The following SH2D1A variants were observed in gnomAD, a reference collection of about 807,000 sequenced individuals.
The protein encoded by SH2D1A is SH2 domain-containing protein 1A.
In SH2D1A, 6 loss-of-function variants were observed where a neutral mutation model predicts 10.1. The observed-to-expected ratio is 0.60, with a 90% CI of 0.33 to 1.18. SH2D1A has a LOEUF of 1.18. Among genes scored for constraint, SH2D1A ranks in the 50% most tolerant of loss-of-function variants. The pLI is 0.04. For synonymous variants in SH2D1A, 42 were observed against 36.9 expected (o/e 1.14, Z -0.51); for missense variants, 51 against 97.6 (o/e 0.52, Z 2.01).
chrX:124,362,277 G>T (rs1020689533), intron 1 of SH2D1A, among the ~76,000 whole-genome samples: 1 of 112,369 alleles, frequency 8.9e-6, no homozygotes. Flanking sequence ...AGCCACATAG[G>T]TGGGGCCATC....
intron 1 of SH2D1A, among the ~76,000 whole-genome samples, chrX:124,359,643 A>T (rs1448393537): frequency 8.9e-6 from 1 of 111,945 alleles, no homozygotes; most frequent in Admixed American, 9.5e-5. Context: ...GGTAGATTTC[A>T]AGTGTTTAAA....
At chrX:124,362,505 T>C (rs774229048) in intron 1 of SH2D1A, among the ~76,000 whole-genome samples, 49 of 112,446 alleles carry the variant, frequency 4.4e-4, no homozygotes, top group African/African-American at 1.6e-3. Context: ...ATCCTCTTCC[T>C]GTAGCACCAT....
chrX:124,366,694 CT>C (rs2060055676), intron 2 of SH2D1A, among the ~76,000 whole-genome samples: 1 of 111,076 alleles, frequency 9.0e-6, no homozygotes, highest in African/African-American at 3.3e-5. Context: ...TTCAAACACA[CT>C]TTTGCTGTAT....
At chrX:124,358,436 A>G (rs1408846514) in intron 1 of SH2D1A, among the ~76,000 whole-genome samples, 2 of 112,160 alleles carry the variant, frequency 1.8e-5, no homozygotes, top group Admixed American at 9.5e-5. Flanking sequence ...GGGACAGAGT[A>G]TGTTTTGTTT....
intron 1 of SH2D1A, 123 bp from the exon 2 acceptor site, chrX:124,365,638 T>A: frequency 1.9e-6 from 1 of 520,064 alleles, no homozygotes; most frequent in Non-Finnish European, 3.5e-6. Flanking sequence ...TTCCTATGAA[T>A]GCAATGACAC....
At chrX:124,360,062 C>T (rs918253305) in intron 1 of SH2D1A, among the ~76,000 whole-genome samples, 18 of 110,457 alleles carry the variant, frequency 1.6e-4, no homozygotes, top group Admixed American at 5.8e-4. Flanking sequence ...CCCACCACCA[C>T]GCTAGGCTAA....
chrX:124,346,681 G>A lies in SH2D1A; in HGVS notation c.39G>A (p.Arg13=), dbSNP rs1281416443. 1.2e-5 allele frequency: 14 copies of A among 1,210,397 alleles called. No homozygotes were observed. Among genetic ancestry groups the A allele is most frequent in the African/African-American group, 1.7e-5 (1 of 57,352 alleles). ...AVAVYHGKIS[R]ETGEKLLLAT... ...CTGTGTATCATGGCAAAATCAGCAG[G>A]GAAACCGGCGAGAAGCTCCTGCTTG... Residue 13 remains arginine, a synonymous_variant, in exon 1 of 4, where the codon AGG becomes AGA. Coordinates refer to ENST00000371139, the MANE Select transcript of SH2D1A (RefSeq NM_002351.5).
intron 1 of SH2D1A, among the ~76,000 whole-genome samples, chrX:124,359,912 A>AT (rs200035601): frequency 0.013 from 1,395 of 105,691 alleles, 31 homozygotes; most frequent in African/African-American, 0.045. Flanking sequence ...AGATATAGTA[A>AT]TTTTTTTTTT....
chrX:124,349,100 T>C (rs2060000967), intron 1 of SH2D1A, among the ~76,000 whole-genome samples: 1 of 112,496 alleles, frequency 8.9e-6, no homozygotes. Context: ...AAAGTGAATC[T>C]TGCATAAATG....
At chrX:124,351,700 T>C (rs2060015517) in intron 1 of SH2D1A, among the ~76,000 whole-genome samples, 1 of 110,852 alleles carries the variant, frequency 9.0e-6, no homozygotes, top group Non-Finnish European at 1.9e-5. Flanking sequence ...TTTTATATGG[T>C]TGTTAAGCTG....
intron 2 of SH2D1A, among the ~76,000 whole-genome samples, chrX:124,367,005 T>C (rs1480595946): frequency 1.8e-5 from 2 of 110,372 alleles, no homozygotes; most frequent in African/African-American, 6.6e-5. Flanking sequence ...AAGGAAAGGA[T>C]CTTAAATGCT....
chrX:124,355,303 TCTTGTC>T (rs1408892774), intron 1 of SH2D1A, among the ~76,000 whole-genome samples: 3 of 88,835 alleles, frequency 3.4e-5, no homozygotes, highest in Non-Finnish European at 6.8e-5. Context: ...GCTTCTTGCT[TCTTGTC>T]CATTTCTAAC....
At chrX:124,367,484 C>G (rs2060058749) in intron 2 of SH2D1A, 1 of 111,795 alleles carries the variant, frequency 8.9e-6, no homozygotes, top group African/African-American at 3.3e-5. Context: ...TAGCTGAGTT[C>G]AGTGACAGGA....
At chrX:124,360,657 C>T (rs1052465923) in intron 1 of SH2D1A, among the ~76,000 whole-genome samples, 13 of 101,035 alleles carry the variant, frequency 1.3e-4, no homozygotes, top group African/African-American at 4.7e-4. Flanking sequence ...CTCTATTGAC[C>T]CAAACTTGTG....
chrX:124,347,278 CT>C (rs1476624062), intron 1 of SH2D1A, among the ~76,000 whole-genome samples: 1 of 109,806 alleles, frequency 9.1e-6, no homozygotes, highest in Non-Finnish European at 1.9e-5. Context: ...GGTCGAGATG[CT>C]GAGAGAGGAG....
chrX:124,369,759 G>C (rs766549454), intron 2 of SH2D1A, among the ~76,000 whole-genome samples: 1 of 111,221 alleles, frequency 9.0e-6, no homozygotes, highest in South Asian at 3.8e-4. Flanking sequence ...TTGTTCCTCA[G>C]GCTTTTTATT....
At chrX:124,358,566 G>T (rs1356570289) in intron 1 of SH2D1A, among the ~76,000 whole-genome samples, 1 of 112,165 alleles carries the variant, frequency 8.9e-6, no homozygotes, top group Non-Finnish European at 1.9e-5. Context: ...AAATGGTTCA[G>T]AAACACTGTC....
At chrX:124,357,202 C>T (rs989895187) in intron 1 of SH2D1A, among the ~76,000 whole-genome samples, 3 of 111,818 alleles carry the variant, frequency 2.7e-5, no homozygotes, top group African/African-American at 9.8e-5. Context: ...ATTAGTTCAA[C>T]TTTTTAAGAT....
intron 1 of SH2D1A, among the ~76,000 whole-genome samples, chrX:124,357,024 GAATAC>G (rs1569527411): frequency 9.0e-6 from 1 of 111,552 alleles, no homozygotes; most frequent in African/African-American, 3.3e-5. Context: ...CAACTTTCAA[GAATAC>G]AATACATTGT....
Sources: allele counts gnomAD v4.1 joint callset (sites outside exome capture counted in the v4.1 genomes callset), GRCh38; gene constraint gnomAD v4.1.1; transcripts MANE v1.5; gene names NCBI Gene and HGNC (gene_info 2026-07-23, HGNC 2026-07-21).